The following DYM variants were observed in gnomAD, a reference collection of about 807,000 sequenced individuals.
The protein encoded by DYM is dyggve-Melchior-Clausen syndrome protein.
In DYM, 78 loss-of-function variants were observed where a neutral mutation model predicts 93.1. The observed-to-expected ratio is 0.84, with a 90% CI of 0.70 to 1.01. The LOEUF (loss-of-function observed/expected upper bound fraction) is 1.01. DYM is among the 50% of genes least tolerant of loss of function. The pLI, the probability that DYM is intolerant of heterozygous loss-of-function variation, is 0.00. For missense variants in DYM, 789 were observed against 845.0 expected, an observed-to-expected ratio of 0.93 and a Z score of 0.82; for synonymous variants, 321 against 319.7, an observed-to-expected ratio of 1.00 and a Z score of -0.04.
At chr18:49,341,675 T>C (rs1039353265) in intron 6 of DYM, among the ~76,000 whole-genome samples, 9 of 152,178 alleles carry the variant, frequency 5.9e-5, no homozygotes, top group Admixed American at 2.0e-4. Context: ...TCTATATTTA[T>C]ATGCTTGAAA....
At chr18:49,339,746 A>C (rs1011557177) in intron 6 of DYM, among the ~76,000 whole-genome samples, 3 of 152,162 alleles carry the variant, frequency 2.0e-5, no homozygotes, top group African/African-American at 7.2e-5. Flanking sequence ...ACCCTAAAAA[A>C]CTATGTAATA....
intron 6 of DYM, among the ~76,000 whole-genome samples, chr18:49,340,312 TA>T (rs987194792): frequency 6.6e-6 from 1 of 152,026 alleles, no homozygotes; most frequent in African/African-American, 2.4e-5. Flanking sequence ...AAGTAACTCT[TA>T]AAAACAGTTT....
intron 9 of DYM, among the ~76,000 whole-genome samples, chr18:49,284,478 C>T (rs1042734165): frequency 2.6e-5 from 4 of 152,170 alleles, no homozygotes; most frequent in African/African-American, 9.7e-5. Context: ...GCCTGAGCAA[C>T]AAGAGTAACA....
chr18:49,177,202 G>C (rs2145398382), intron 14 of DYM, among the ~76,000 whole-genome samples: 1 of 152,260 alleles, frequency 6.6e-6, no homozygotes, highest in South Asian at 2.1e-4. Context: ...AGAGGAGCCA[G>C]GATGGCAGGG....
intron 8 of DYM, among the ~76,000 whole-genome samples, chr18:49,326,688 T>C (rs897676900): frequency 6.6e-6 from 1 of 152,166 alleles, no homozygotes; most frequent in Non-Finnish European, 1.5e-5. Flanking sequence ...GTAAGATAGA[T>C]AAATTGATAG....
intron 13 of DYM, among the ~76,000 whole-genome samples, chr18:49,214,629 G>A (rs946260270): frequency 1.3e-5 from 2 of 152,056 alleles, no homozygotes; most frequent in African/African-American, 4.8e-5. Flanking sequence ...GGCTGAAGGG[G>A]CTAATTGTTA....
In DYM at chr18:49,039,911, T is replaced by G. The variant is rs2070845979; in HGVS notation, c.*4144A>C. 1 of 152,270 alleles carries G rather than the reference T, an allele frequency of 6.6e-6. No homozygotes were observed. Among genetic ancestry groups the G allele is most frequent in the Admixed American group, 6.5e-5 (1 of 15,292 alleles). The allele number at this position is 152,270 out of a possible 1,614,324, so 9.4% of individuals were successfully genotyped here. On this transcript the variant is annotated 3_prime_UTR_variant, in exon 18 of 18. Coordinates refer to ENST00000675505, the MANE Select transcript of DYM (RefSeq NM_001353214.3). ...TGGTTTTAATTCAAGTAATTAATGT[T>G]GTCTGGTCTTCTCCCATACCTGGGT...
intron 13 of DYM, among the ~76,000 whole-genome samples, chr18:49,219,245 G>T (rs1221424606): frequency 6.6e-6 from 1 of 152,188 alleles, no homozygotes; most frequent in East Asian, 1.9e-4. Flanking sequence ...AACAGGATCT[G>T]AAATTGTGGC....
intron 5 of DYM, among the ~76,000 whole-genome samples, chr18:49,364,880 T>A (rs2066377460): frequency 6.6e-6 from 1 of 152,210 alleles, no homozygotes; most frequent in South Asian, 2.1e-4. Flanking sequence ...CTCAGTTTCA[T>A]ATCCTCCATG....
intron 8 of DYM, among the ~76,000 whole-genome samples, chr18:49,325,328 A>C (rs2062805768): frequency 6.6e-6 from 1 of 152,226 alleles, no homozygotes; most frequent in Non-Finnish European, 1.5e-5. Flanking sequence ...TCTATAAAAA[A>C]CAGTCAAAAA....
At chr18:49,397,148 G>A (rs572403311) in intron 2 of DYM, among the ~76,000 whole-genome samples, 11 of 152,130 alleles carry the variant, frequency 7.2e-5, no homozygotes, top group African/African-American at 2.2e-4. Flanking sequence ...ATAATGCATC[G>A]AAACATCATA....
rs2070890145 is a variant in DYM at position 49,040,967 on chromosome 18, C to CT, written c.*3087dup. Among the ~76,000 whole-genome samples the CT allele has an allele frequency of 6.6e-6, 1 of 152,200 alleles. No individual in the cohort carries two copies. The highest frequency in any genetic ancestry group is 6.5e-5 in the Admixed American group (1 of 15,280). Reference sequence around the variant, plus strand: ...GTTGCTGAGTGTTCTGATGCTGGTCCTGTGTCCTTTCCACTTTCTATCGTC... The same window carrying CT: ...GTTGCTGAGTGTTCTGATGCTGGTCCTTGTGTCCTTTCCACTTTCTATCGTC... On this transcript the variant is annotated 3_prime_UTR_variant, in exon 18 of 18. Transcript: ENST00000675505.
chr18:49,400,227 C>T (rs1187082004), intron 2 of DYM, among the ~76,000 whole-genome samples: 1 of 152,132 alleles, frequency 6.6e-6, no homozygotes, highest in East Asian at 1.9e-4. Context: ...AGGTGTGAGC[C>T]ATAGCACCCA....
intron 13 of DYM, among the ~76,000 whole-genome samples, chr18:49,210,728 A>G (rs2092740304): frequency 6.6e-6 from 1 of 152,204 alleles, no homozygotes; most frequent in Non-Finnish European, 1.5e-5. Context: ...TTCATCAACT[A>G]TAACAAATAC....
Position 49,430,247 on chromosome 18 carries a change from T to A in DYM, c.140+8A>T, listed in dbSNP as rs199833534. ...ATTCAAATTTTCAATCTCCAGGCAA[T>A]CTCTTACCTGCTAGTTGGTGCAGGG... On this transcript the variant is annotated splice_region_variant and intron_variant, in intron 2 of 17. Transcript: ENST00000675505. The A allele has an allele frequency of 2.6e-4, 421 of 1,613,700 alleles. 1 individual carries two copies. The African/African-American group carries it at 4.5e-3, about 17-fold the overall frequency.
At chr18:49,151,122 C>G (rs1335262377) in intron 15 of DYM, among the ~76,000 whole-genome samples, 1 of 152,128 alleles carries the variant, frequency 6.6e-6, no homozygotes, top group Non-Finnish European at 1.5e-5. Context: ...CTCAGAAACT[C>G]AAAGAATTCA....
At chr18:49,282,593 A>T (rs1375589343) in intron 9 of DYM, among the ~76,000 whole-genome samples, 1 of 152,248 alleles carries the variant, frequency 6.6e-6, no homozygotes, top group East Asian at 1.9e-4. Context: ...AGCCTGGGCG[A>T]GAGTGAGACT....
intron 6 of DYM, among the ~76,000 whole-genome samples, chr18:49,361,706 AT>A (rs2066034428): frequency 6.6e-6 from 1 of 151,836 alleles, no homozygotes; most frequent in Admixed American, 6.6e-5. Context: ...GGGACAATAT[AT>A]TTTTTTAATT....
intron 15 of DYM, among the ~76,000 whole-genome samples, chr18:49,163,110 G>A (rs923037476): frequency 6.6e-6 from 1 of 152,128 alleles, no homozygotes; most frequent in Non-Finnish European, 1.5e-5. Context: ...TTATTAGCTT[G>A]AGTGGGTTTC....
Sources: allele counts gnomAD v4.1 joint callset (sites outside exome capture counted in the v4.1 genomes callset), GRCh38; gene constraint gnomAD v4.1.1; transcripts MANE v1.5; gene names NCBI Gene and HGNC (gene_info 2026-07-23, HGNC 2026-07-21).